The following NUDCD3 variants were observed in gnomAD, a reference collection of about 807,000 sequenced individuals.
NUDCD3 encodes the protein nudC domain-containing protein 3.
Under a neutral mutation model 39.7 loss-of-function variants are expected in NUDCD3, and 13 were observed. That is an observed-to-expected ratio of 0.33 (90% confidence interval 0.21 to 0.52). NUDCD3 has a LOEUF of 0.52. NUDCD3 is among the 20% of genes least tolerant of loss of function. NUDCD3 has a pLI of 0.96. For missense variants in NUDCD3, 453 were observed against 458.1 expected, an observed-to-expected ratio of 0.99 and a Z score of 0.10; for synonymous variants, 175 against 172.4, an observed-to-expected ratio of 1.02 and a Z score of -0.12.
At chr7:44,456,206 A>G (rs926998537) in intron 2 of NUDCD3, among the ~76,000 whole-genome samples, 2 of 152,004 alleles carry the variant, frequency 1.3e-5, no homozygotes, top group Non-Finnish European at 2.9e-5. Flanking sequence ...AAGAATAAAA[A>G]GTCAGAGACA....
In NUDCD3 at chr7:44,427,675, C is replaced by T. The variant is rs757750498; in HGVS notation, c.538G>A (p.Asp180Asn). The change falls in exon 3 of 6, where the codon GAC becomes AAC. Residue 180 changes from aspartate (D) to asparagine (N), a missense_variant. By Grantham distance (23) the Asp-to-Asn change is conservative (BLOSUM62 1). Coordinates refer to ENST00000355451, the MANE Select transcript of NUDCD3 (RefSeq NM_015332.4). The stretch of plus-strand genomic sequence containing the variant: ...TCTCGGACAGCACCATTGTAACTGT[C>T]GGGATTTTTCTGGAACTGCTCCTGA... ...RIQEQFQKNP[D>N]SYNGAVRENY... 5.0e-6 allele frequency: 8 copies of T among 1,613,516 alleles called. No homozygotes were observed. Among genetic ancestry groups the T allele is most frequent in the African/African-American group, 1.3e-5 (1 of 74,766 alleles).
chr7:44,484,910 A>C, intron 2 of NUDCD3, 58 bp downstream of exon 2: 1 of 1,290,032 alleles, frequency 7.8e-7, no homozygotes, highest in Non-Finnish European at 1.1e-6. Context: ...ATTATGGAGA[A>C]ACCCAAACAC....
Position 44,468,188 on chromosome 7 carries a change from G to A in NUDCD3, c.509+16780C>T, listed in dbSNP as rs375477894. The A allele has an allele frequency of 2.8e-4, 445 of 1,601,372 alleles. No individual in the cohort carries two copies. The African/African-American group carries it at 4.4e-3, about 16-fold the overall frequency. On this transcript the variant is annotated intron_variant, in intron 2 of 5. Transcript: ENST00000355451. The stretch of plus-strand genomic sequence containing the variant: ...GATGTGCAACAAATCTTACTGTGCC[G>A]AGATCGCTCACAATGTTTCCTCCAA...
intron 2 of NUDCD3, among the ~76,000 whole-genome samples, chr7:44,429,264 C>CT (rs1416085184): frequency 6.6e-6 from 1 of 152,160 alleles, no homozygotes; most frequent in Non-Finnish European, 1.5e-5. Context: ...AGAATGTGAC[C>CT]TTAATAAAAA....
chr7:44,447,963 T>C (rs543658364), intron 2 of NUDCD3, among the ~76,000 whole-genome samples: 7 of 152,304 alleles, frequency 4.6e-5, no homozygotes, highest in African/African-American at 1.7e-4. Flanking sequence ...GAATGGTCTA[T>C]AGTCACATAC....
intron 2 of NUDCD3, among the ~76,000 whole-genome samples, chr7:44,461,489 G>C (rs1305384320): frequency 6.6e-6 from 1 of 152,184 alleles, no homozygotes; most frequent in Non-Finnish European, 1.5e-5. Flanking sequence ...CCTGTGGGGG[G>C]AGGCACACTC....
chr7:44,437,974 C>T (rs1799496544), intron 2 of NUDCD3, among the ~76,000 whole-genome samples: 1 of 151,920 alleles, frequency 6.6e-6, no homozygotes, highest in Non-Finnish European at 1.5e-5. Context: ...GGGAAAGAGG[C>T]TTCCTAATTT....
At chr7:44,415,840 C>A (rs1052561898) in intron 3 of NUDCD3, among the ~76,000 whole-genome samples, 2 of 152,148 alleles carry the variant, frequency 1.3e-5, no homozygotes, top group African/African-American at 2.4e-5. Flanking sequence ...GGGTTACCAT[C>A]GTGACAATGT....
intron 2 of NUDCD3, chr7:44,467,837 GAA>G: frequency 9.1e-7 from 1 of 1,104,294 alleles, no homozygotes. Flanking sequence ...AAAAAGAAAA[GAA>G]AAGGCTCTCT....
At chr7:44,412,925 T>TCAAAAAAAAAAAAAAAAAA (rs1798955884) in intron 3 of NUDCD3, among the ~76,000 whole-genome samples, 1 of 63,612 alleles carries the variant, frequency 1.6e-5, no homozygotes, top group African/African-American at 6.8e-5. Context: ...AGACGCCGTC[T>TCAAAAAAAAAAAAAAAAAA]CAAAAAAAAA....
At chr7:44,477,524 C>T (rs1464305768) in intron 2 of NUDCD3, among the ~76,000 whole-genome samples, 1 of 152,186 alleles carries the variant, frequency 6.6e-6, no homozygotes, top group African/African-American at 2.4e-5. Context: ...TCTACAGCAA[C>T]ACCTGCAGGT....
chr7:44,473,305 C>T (rs1800294838), intron 2 of NUDCD3, among the ~76,000 whole-genome samples: 1 of 152,172 alleles, frequency 6.6e-6, no homozygotes, highest in African/African-American at 2.4e-5. Flanking sequence ...AGCATTTTAA[C>T]GTAGCGGAGA....
At chr7:44,437,144 A>T (rs1799484108) in intron 2 of NUDCD3, among the ~76,000 whole-genome samples, 1 of 140,140 alleles carries the variant, frequency 7.1e-6, no homozygotes, top group Non-Finnish European at 1.5e-5. Flanking sequence ...ATCTCGGCTC[A>T]CTGCAACCTC....
At chr7:44,408,440 A>G (rs1257060381) in intron 3 of NUDCD3, among the ~76,000 whole-genome samples, 1 of 152,216 alleles carries the variant, frequency 6.6e-6, no homozygotes, top group African/African-American at 2.4e-5. Flanking sequence ...CTCAGTATTA[A>G]TGAATCTGGG....
rs1491210488 is a variant in NUDCD3, at chr7:44,469,141, A to AC, written c.509+15826dup. ...AAAAAAAAAAAAAAAAAAAAAAAAAACAGGAGATTTCAGTCAACTTGAGTC... is the reference window on the plus strand; with the variant it reads ...AAAAAAAAAAAAAAAAAAAAAAAAAACCAGGAGATTTCAGTCAACTTGAGTC... On this transcript the variant is annotated intron_variant, in intron 2 of 5. Transcript: ENST00000355451. Among the ~76,000 whole-genome samples, 3 of 142,636 alleles carry AC rather than the reference A, an allele frequency of 2.1e-5. 1 individual carries two copies. The South Asian group carries it at 6.7e-4, about 32-fold the overall frequency. 93.6% of individuals were successfully genotyped at this position (142,636 alleles called of 152,430 possible).
chr7:44,439,096 G>A (rs75656227), intron 2 of NUDCD3, among the ~76,000 whole-genome samples: 53 of 152,278 alleles, frequency 3.5e-4, no homozygotes, highest in African/African-American at 1.1e-3. Context: ...GAGGAGTAGC[G>A]AGTGAGCACT....
intron 2 of NUDCD3, among the ~76,000 whole-genome samples, chr7:44,435,504 C>A (rs183565158): frequency 3.2e-3 from 486 of 152,332 alleles, no homozygotes; most frequent in Non-Finnish European, 4.8e-3. Context: ...AAAACGAAAT[C>A]TCCAGGGGTC....
chr7:44,412,580 G>C (rs1034920655), intron 3 of NUDCD3, among the ~76,000 whole-genome samples: 3 of 152,218 alleles, frequency 2.0e-5, no homozygotes, highest in Non-Finnish European at 4.4e-5. Context: ...TTGCCACTTA[G>C]AAGTCTTCTA....
At chr7:44,490,243 T>C (rs1240971083) in intron 1 of NUDCD3, 166 bp downstream of exon 1, 4 of 663,988 alleles carry the variant, frequency 6.0e-6, no homozygotes, top group Non-Finnish European at 7.3e-6. Flanking sequence ...CGGAATAAGC[T>C]GACATCCAAT....
Sources: allele counts gnomAD v4.1 joint callset (sites outside exome capture counted in the v4.1 genomes callset), GRCh38; gene constraint gnomAD v4.1.1; transcripts MANE v1.5; gene names NCBI Gene and HGNC (gene_info 2026-07-23, HGNC 2026-07-21).